The following PCCA variants were observed in gnomAD, a reference collection of about 807,000 sequenced individuals.
The protein encoded by PCCA is propionyl-CoA carboxylase subunit alpha.
In PCCA, 74 loss-of-function variants were observed where a neutral mutation model predicts 101.3. That is an observed-to-expected ratio of 0.73 (90% CI 0.61 to 0.89). The LOEUF (loss-of-function observed/expected upper bound fraction) is 0.89. Among genes scored for constraint, PCCA ranks in the 40% least tolerant of loss-of-function variants. The pLI is 0.00. For synonymous variants in PCCA, 294 were observed against 313.6 expected, an observed-to-expected ratio of 0.94 and a Z score of 0.66; for missense variants, 891 against 907.0, an observed-to-expected ratio of 0.98 and a Z score of 0.23.
At chr13:100,430,336 T>C (rs2079455345) in intron 20 of PCCA, among the ~76,000 whole-genome samples, 5 of 152,144 alleles carry the variant, frequency 3.3e-5, no homozygotes, top group Admixed American at 3.3e-4. Flanking sequence ...CTTGATTAAA[T>C]CCTCCTTTCC....
intron 19 of PCCA, among the ~76,000 whole-genome samples, chr13:100,372,423 A>G (rs549349329): frequency 6.6e-6 from 1 of 152,282 alleles, no homozygotes; most frequent in African/African-American, 2.4e-5. Context: ...AAGGTATTGG[A>G]TTTGGCAATG....
At chr13:100,097,829 T>C (rs2046911331) in intron 1 of PCCA, among the ~76,000 whole-genome samples, 1 of 151,336 alleles carries the variant, frequency 6.6e-6, no homozygotes, top group Non-Finnish European at 1.5e-5. Context: ...CTGGGGAAAA[T>C]AGTGAGAACC....
intron 12 of PCCA, among the ~76,000 whole-genome samples, chr13:100,283,088 C>T (rs1338486045): frequency 2.0e-5 from 3 of 152,040 alleles, no homozygotes; most frequent in Non-Finnish European, 4.4e-5. Context: ...TTCAGATGAT[C>T]CTGATAGGTA....
intron 4 of PCCA, among the ~76,000 whole-genome samples, chr13:100,138,081 C>T (rs956557056): frequency 1.3e-5 from 2 of 152,170 alleles, no homozygotes; most frequent in Non-Finnish European, 1.5e-5. Flanking sequence ...AACCACCACA[C>T]CTGGCCACTT....
chr13:100,504,186 C>T (rs116530936), intron 21 of PCCA, among the ~76,000 whole-genome samples: 2,872 of 152,264 alleles, frequency 0.019, 98 homozygotes, highest in African/African-American at 0.065. Flanking sequence ...TCCCCTGATT[C>T]TCATTTTCTT....
intron 18 of PCCA, among the ~76,000 whole-genome samples, chr13:100,342,357 G>A (rs560923905): frequency 7.9e-5 from 12 of 151,762 alleles, no homozygotes; most frequent in Admixed American, 5.9e-4. Flanking sequence ...TTCATCTCCC[G>A]GGTTCAAGCG....
At position 100,161,873 on chromosome 13, in the gene PCCA, CATT is replaced by C. The variant is rs371526456; in HGVS notation, c.468+4539_468+4541del. ...TTAATGACATAAATTTTCTTATTAA[CATT>C]ATTATATTTTCCATTTTGGACACAG... On this transcript the variant is annotated intron_variant, in intron 6 of 23. Transcript: ENST00000376285. Among the ~76,000 whole-genome samples, 306 of 152,120 alleles carry C rather than the reference CATT, an allele frequency of 2.0e-3. 1 individual carries two copies. Among genetic ancestry groups the C allele is most frequent in the South Asian group, 0.02 (96 of 4,816 alleles).
intron 18 of PCCA, among the ~76,000 whole-genome samples, chr13:100,343,903 T>C (rs1421938581): frequency 6.6e-6 from 1 of 152,096 alleles, no homozygotes; most frequent in Non-Finnish European, 1.5e-5. Context: ...GGCGAAACCC[T>C]GTCTGTACTA....
chr13:100,255,100 C>G (rs1402907039), intron 8 of PCCA, among the ~76,000 whole-genome samples: 3 of 152,004 alleles, frequency 2.0e-5, no homozygotes, highest in African/African-American at 4.8e-5. Context: ...GCTAGTCTAA[C>G]TTGCATCAGT....
At chr13:100,374,162 G>A (rs1212861665) in intron 19 of PCCA, among the ~76,000 whole-genome samples, 1 of 151,888 alleles carries the variant, frequency 6.6e-6, no homozygotes, top group Non-Finnish European at 1.5e-5. Flanking sequence ...TGAAAATTCT[G>A]GGAAATGAAT....
chr13:100,172,349 TA>T (rs1300800033), intron 6 of PCCA, among the ~76,000 whole-genome samples: 1 of 152,210 alleles, frequency 6.6e-6, no homozygotes, highest in African/African-American at 2.4e-5. Context: ...TAAAAACAAA[TA>T]TTTTTTAGGA....
At chr13:100,186,450 T>A (rs1046536086) in intron 6 of PCCA, among the ~76,000 whole-genome samples, 7 of 151,854 alleles carry the variant, frequency 4.6e-5, no homozygotes, top group African/African-American at 1.7e-4. Flanking sequence ...ATATGGAAAG[T>A]ACAAAATAGG....
intron 17 of PCCA, among the ~76,000 whole-genome samples, chr13:100,331,857 T>C (rs2069628117): frequency 6.8e-6 from 1 of 146,754 alleles, no homozygotes; most frequent in Non-Finnish European, 1.5e-5. Flanking sequence ...CAAAACATAG[T>C]AGGTACTAAG....
At chr13:100,525,681 A>C (rs928995014) in intron 22 of PCCA, among the ~76,000 whole-genome samples, 5 of 152,166 alleles carry the variant, frequency 3.3e-5, no homozygotes, top group African/African-American at 1.2e-4. Flanking sequence ...AGGGGATGGG[A>C]GGGGACGTGT....
chr13:100,154,988 A>G lies in PCCA; in HGVS notation c.310A>G (p.Lys104Glu), dbSNP rs777005733. The G allele has an allele frequency of 6.2e-7, 1 of 1,613,178 alleles. No individual in the cohort carries two copies. The highest frequency in any genetic ancestry group is 1.7e-5 in the Admixed American group (1 of 60,012). ...AAATTTGTCTCCTCAGGTTCATGTG[A>G]AAATGGCGGATGAGGCTGTCTGTGT... ...SDVDASSVHV[K>E]MADEAVCVGP... The change falls in exon 5 of 24, where the codon AAA becomes GAA. Residue 104 changes from lysine to glutamate, a missense_variant. Transcript: ENST00000376285.
intron 4 of PCCA, among the ~76,000 whole-genome samples, chr13:100,135,868 G>C (rs1237846469): frequency 1.3e-5 from 2 of 152,042 alleles, no homozygotes; most frequent in Non-Finnish European, 2.9e-5. Flanking sequence ...GTTGAATGTT[G>C]TCTTACACTT....
At chr13:100,399,327 A>T (rs1265536939) in intron 19 of PCCA, among the ~76,000 whole-genome samples, 1 of 152,108 alleles carries the variant, frequency 6.6e-6, no homozygotes, top group African/African-American at 2.4e-5. Context: ...TGTAGATTAA[A>T]TTTTTCTTAG....
intron 15 of PCCA, among the ~76,000 whole-genome samples, chr13:100,307,651 G>A (rs1396134344): frequency 6.6e-6 from 1 of 152,158 alleles, no homozygotes; most frequent in Non-Finnish European, 1.5e-5. Context: ...GTTTGTTAGA[G>A]TACTTTTTGA....
At chr13:100,257,728 A>G (rs2062171382) in intron 9 of PCCA, 55 bp downstream of exon 9, 11 of 1,237,900 alleles carry the variant, frequency 8.9e-6, no homozygotes, top group Non-Finnish European at 1.3e-5. Flanking sequence ...CCAGAGTTTT[A>G]TTAAACTGAC....
Sources: gnomAD v4.1 joint callset for allele counts (sites outside exome capture counted in the v4.1 genomes callset) on GRCh38, gnomAD v4.1.1 for gene constraint, MANE v1.5 for transcripts, NCBI Gene and HGNC (gene_info 2026-07-23, HGNC 2026-07-21) for gene names.